Variants in TESC observed in about 807,000 individuals in gnomAD.
TESC encodes the protein tescalcin, also known as calcineurin B homologous protein 3.
TESC carries 19 observed loss-of-function variants against 31.0 expected under a neutral mutation model. The observed-to-expected ratio is 0.61, with a 90% CI of 0.43 to 0.90. The LOEUF is 0.90. Among genes scored for constraint, TESC ranks in the 40% least tolerant of loss-of-function variants. The probability of loss-of-function intolerance (pLI) is 0.00; values close to 1 mark genes in which losing one functional copy is unlikely to be tolerated. For missense variants in TESC, 248 were observed against 303.8 expected, an observed-to-expected ratio of 0.82 and a Z score of 1.36; for synonymous variants, 109 against 114.8, an observed-to-expected ratio of 0.95 and a Z score of 0.32.
chr12:117,097,910 A>G (rs1375897384), intron 1 of TESC, among the ~76,000 whole-genome samples: 1 of 152,192 alleles, frequency 6.6e-6, no homozygotes, highest in Non-Finnish European at 1.5e-5. Flanking sequence ...AAAAACAGAA[A>G]AAAGGGTACC....
intron 1 of TESC, 65 bp downstream of exon 1, chr12:117,099,160 G>C: frequency 6.9e-7 from 1 of 1,439,130 alleles, no homozygotes; most frequent in Non-Finnish European, 9.1e-7. Flanking sequence ...GCGGGCCGGG[G>C]TCCCCAACAG....
chr12:117,098,202 C>T (rs940892071), intron 1 of TESC, among the ~76,000 whole-genome samples: 5 of 152,232 alleles, frequency 3.3e-5, no homozygotes, highest in African/African-American at 4.8e-5. Flanking sequence ...CAGGAGCTAG[C>T]TCTTTCCCAA....
chr12:117,070,909 T>C (rs1954962188), intron 2 of TESC, among the ~76,000 whole-genome samples: 1 of 152,100 alleles, frequency 6.6e-6, no homozygotes, highest in African/African-American at 2.4e-5. Flanking sequence ...AGGTCAAGGC[T>C]GCAGTGAGCC....
At chr12:117,049,414 C>T (rs1592995354) in intron 3 of TESC, among the ~76,000 whole-genome samples, 1 of 152,202 alleles carries the variant, frequency 6.6e-6, no homozygotes, top group Non-Finnish European at 1.5e-5. Flanking sequence ...ACTGCGTGAC[C>T]GTTGATTCAG....
rs1052748872 is a variant in TESC, at chr12:117,043,438, G to A, written c.520-1444C>T. The stretch of plus-strand genomic sequence containing the variant: ...TGTATGTCCCAAGTGCCTTCCAAGT[G>A]GTATTGTTTTGTTTTCATTTGTTTT... On this transcript the variant is annotated intron_variant, in intron 6 of 7. Transcript: ENST00000335209. Among the ~76,000 whole-genome samples the A allele has an allele frequency of 7.0e-5, 10 of 142,518 alleles. No individual in the cohort carries two copies. In the East Asian group the frequency reaches 2.1e-3, roughly 30 times the overall value. The allele number at this position is 142,518 out of a possible 152,430, so 93.5% of individuals were successfully genotyped here.
At chr12:117,087,963 C>T (rs924594447) in intron 1 of TESC, among the ~76,000 whole-genome samples, 1 of 152,212 alleles carries the variant, frequency 6.6e-6, no homozygotes, top group African/African-American at 2.4e-5. Flanking sequence ...CCCTTTAGGG[C>T]CATGCCTCCC....
At chr12:117,077,248 A>G (rs1379211034) in intron 1 of TESC, among the ~76,000 whole-genome samples, 1 of 151,508 alleles carries the variant, frequency 6.6e-6, no homozygotes, top group Non-Finnish European at 1.5e-5. Context: ...TCCTTTCAAC[A>G]CTCTAGGAGG....
intron 1 of TESC, among the ~76,000 whole-genome samples, chr12:117,093,925 C>T (rs570748545): frequency 3.3e-5 from 5 of 152,102 alleles, no homozygotes; most frequent in South Asian, 2.1e-4. Context: ...CTTTCCAACT[C>T]CAGGAGCAGA....
intron 1 of TESC, among the ~76,000 whole-genome samples, chr12:117,095,781 G>T (rs1955385057): frequency 6.6e-6 from 1 of 152,172 alleles, no homozygotes; most frequent in Non-Finnish European, 1.5e-5. Context: ...TGGGAAGGCT[G>T]AGGTGGGAGG....
intron 2 of TESC, among the ~76,000 whole-genome samples, chr12:117,068,019 G>A (rs1954911128): frequency 6.6e-6 from 1 of 152,162 alleles, no homozygotes; most frequent in Admixed American, 6.5e-5. Flanking sequence ...AGCCTCCTGA[G>A]TAGCTAGGAC....
chr12:117,083,746 G>A lies in TESC; in HGVS notation c.59-8406C>T, dbSNP rs896965529. ...TTGCCAGGGGCTGGAGGGTGTTGAG[G>A]GAATGAGAAGTGACTGCCAGTGGGT... On this transcript the variant is annotated intron_variant, in intron 1 of 7. Transcript: ENST00000335209. Among the ~76,000 whole-genome samples, 23 of 152,296 alleles carry A rather than the reference G, an allele frequency of 1.5e-4. 1 individual carries two copies. Among genetic ancestry groups the A allele is most frequent in the Admixed American group, 1.4e-3 (22 of 15,296 alleles).
chr12:117,053,483 C>T (rs1954677374), intron 3 of TESC, among the ~76,000 whole-genome samples: 1 of 152,178 alleles, frequency 6.6e-6, no homozygotes, highest in Non-Finnish European at 1.5e-5. Flanking sequence ...AATCCCAGTT[C>T]CTACAAGTGA....
At chr12:117,091,924 G>A (rs1430672423) in intron 1 of TESC, among the ~76,000 whole-genome samples, 1 of 152,224 alleles carries the variant, frequency 6.6e-6, no homozygotes, top group Admixed American at 6.5e-5. Context: ...TCTCAGTCCA[G>A]AGCATGTGGG....
At chr12:117,047,750 AT>A (rs1188152279) in intron 4 of TESC, among the ~76,000 whole-genome samples, 1 of 150,698 alleles carries the variant, frequency 6.6e-6, no homozygotes, top group Non-Finnish European at 1.5e-5. Context: ...TATTGTTATT[AT>A]TTTTTTCAGA....
At chr12:117,045,516 G>T (rs2135747700) in intron 6 of TESC, among the ~76,000 whole-genome samples, 1 of 152,338 alleles carries the variant, frequency 6.6e-6, no homozygotes, top group South Asian at 2.1e-4. Flanking sequence ...GTGGTGGTTA[G>T]TCTGCTGAGT....
At chr12:117,087,512 G>A (rs2135799624) in intron 1 of TESC, among the ~76,000 whole-genome samples, 1 of 152,334 alleles carries the variant, frequency 6.6e-6, no homozygotes, top group South Asian at 2.1e-4. Flanking sequence ...CTGGGACAGA[G>A]TGAATTGACT....
intron 6 of TESC, 84 bp downstream of exon 6, chr12:117,046,468 ACCTGGCC>A: frequency 7.8e-7 from 1 of 1,280,278 alleles, no homozygotes; most frequent in Non-Finnish European, 1.1e-6. Flanking sequence ...GGCAGAATAC[ACCTGGCC>A]CCTGCCCCAT....
chr12:117,092,224 G>A (rs1593027914), intron 1 of TESC, among the ~76,000 whole-genome samples: 1 of 152,324 alleles, frequency 6.6e-6, no homozygotes, highest in Non-Finnish European at 1.5e-5. Flanking sequence ...CTCAAAGAAG[G>A]ACACAGCCTG....
intron 3 of TESC, among the ~76,000 whole-genome samples, chr12:117,053,720 A>G (rs1954680769): frequency 6.6e-6 from 1 of 152,042 alleles, no homozygotes; most frequent in African/African-American, 2.4e-5. Flanking sequence ...ACGTGCACAC[A>G]TGCTCCCTCT....
Sources: gnomAD v4.1 joint callset for allele counts (sites outside exome capture counted in the v4.1 genomes callset) on GRCh38, gnomAD v4.1.1 for gene constraint, MANE v1.5 for transcripts, NCBI Gene and HGNC (gene_info 2026-07-23, HGNC 2026-07-21) for gene names.